The following TMEM260 variants were observed in gnomAD, a reference collection of about 807,000 sequenced individuals.
The protein encoded by TMEM260 is protein O-mannosyl-transferase TMEM260.
TMEM260 carries 82 observed loss-of-function variants against 88.9 expected under a neutral mutation model. That is an observed-to-expected ratio of 0.92 (90% CI 0.77 to 1.11). The LOEUF (loss-of-function observed/expected upper bound fraction) is 1.11. Ranked by LOEUF, TMEM260 falls within the 50% of genes least tolerant of loss-of-function variation. TMEM260 has a pLI of 0.00. For missense variants in TMEM260, 902 were observed against 853.4 expected, an observed-to-expected ratio of 1.06 and a Z score of -0.71; for synonymous variants, 314 against 309.3, an observed-to-expected ratio of 1.02 and a Z score of -0.16.
At chr14:56,596,792 A>T (rs9671489) in intron 3 of TMEM260, among the ~76,000 whole-genome samples, 13 of 125,796 alleles carry the variant, frequency 1.0e-4, no homozygotes, top group South Asian at 2.3e-4. Context: ...ATTAAAAAAA[A>T]AAATATATAT....
chr14:56,651,520 ACT>A (rs1258129323), downstream of TMEM260, among the ~76,000 whole-genome samples: 4 of 152,288 alleles, frequency 2.6e-5, no homozygotes, highest in Non-Finnish European at 4.4e-5. Flanking sequence ...GAGTTCTCTG[ACT>A]CTTTGCTGCA....
At chr14:56,631,527 G>T (rs1234986401) in intron 12 of TMEM260, among the ~76,000 whole-genome samples, 1 of 151,918 alleles carries the variant, frequency 6.6e-6, no homozygotes, top group East Asian at 1.9e-4. Context: ...GGAGGCTGAG[G>T]CAGGAGGATT....
At chr14:56,593,938 C>T (rs1341779244) in intron 3 of TMEM260, among the ~76,000 whole-genome samples, 1 of 151,748 alleles carries the variant, frequency 6.6e-6, no homozygotes, top group Non-Finnish European at 1.5e-5. Flanking sequence ...CCACCCGCCT[C>T]GGCCTCCCAA....
At chr14:56,597,511 T>TA (rs1412086034) in intron 3 of TMEM260, among the ~76,000 whole-genome samples, 8 of 152,204 alleles carry the variant, frequency 5.3e-5, no homozygotes, top group Non-Finnish European at 1.2e-4. Context: ...TTTGATGTGT[T>TA]ACGTTAAAAG....
downstream of TMEM260, among the ~76,000 whole-genome samples, chr14:56,654,574 T>C (rs1890266014): frequency 6.6e-6 from 1 of 151,992 alleles, no homozygotes; most frequent in African/African-American, 2.4e-5. Context: ...ATCCCAGCAC[T>C]TTGGTAGGCC....
intron 3 of TMEM260, among the ~76,000 whole-genome samples, chr14:56,602,746 C>G (rs1339249952): frequency 6.6e-6 from 1 of 151,882 alleles, no homozygotes; most frequent in African/African-American, 2.4e-5. Context: ...AGAAAGAAAA[C>G]AAATAAATTG....
At chr14:56,644,317 T>C (rs538282474) in intron 15 of TMEM260, among the ~76,000 whole-genome samples, 5 of 152,118 alleles carry the variant, frequency 3.3e-5, no homozygotes, top group Admixed American at 2.0e-4. Flanking sequence ...TATAGACCAA[T>C]GGAACAGAAC....
At chr14:56,602,842 A>C (rs186967752) in intron 3 of TMEM260, among the ~76,000 whole-genome samples, 2 of 152,310 alleles carry the variant, frequency 1.3e-5, no homozygotes, top group Admixed American at 6.5e-5. Context: ...CTAAAGCCAT[A>C]GAACTACCCT....
At chr14:56,606,495 A>G (rs1205019965) in intron 5 of TMEM260, among the ~76,000 whole-genome samples, 3 of 152,244 alleles carry the variant, frequency 2.0e-5, no homozygotes, top group Non-Finnish European at 4.4e-5. Context: ...GCTTTAGATA[A>G]CTATATTTAC....
rs11158124 is a variant in TMEM260, at chr14:56,643,800, A to G, written c.1870-3443A>G. Among the ~76,000 whole-genome samples, 646 of 152,350 alleles carry G rather than the reference A, an allele frequency of 4.2e-3. 8 individuals carry two copies. In the South Asian group the frequency reaches 0.048, roughly 11 times the overall value. Reference sequence around the variant, plus strand: ...CAAAATCTCCTTAAGCTGATAAGCAACTTCAGCAAAGTCTCAGGATACAAA... The same window carrying G: ...CAAAATCTCCTTAAGCTGATAAGCAGCTTCAGCAAAGTCTCAGGATACAAA... On this transcript the variant is annotated intron_variant, in intron 15 of 15. Transcript: ENST00000261556.
intron 3 of TMEM260, among the ~76,000 whole-genome samples, chr14:56,593,677 CTTTTTTTTTTTTTTTTTT>C (rs34268894): frequency 1.3e-4 from 8 of 63,506 alleles, no homozygotes. Flanking sequence ...AGGTGAGTGT[CTTTTTTTTTTTTTTTTTT>C]TTTTTTTTTT....
the TMEM260 span, among the ~76,000 whole-genome samples, chr14:56,656,007 A>G: frequency 6.6e-6 from 1 of 152,218 alleles, no homozygotes; most frequent in Non-Finnish European, 1.5e-5. Context: ...GAGCAGAAAC[A>G]GAGTTCTTTC....
Position 56,605,582 on chromosome 14 carries a change from G to A in TMEM260, c.535G>A (p.Gly179Ser). The A allele has an allele frequency of 6.6e-7, 1 of 1,511,056 alleles. No homozygotes were observed. The highest frequency in any genetic ancestry group is 8.9e-7 in the Non-Finnish European group (1 of 1,128,568). The allele number at this position is 1,511,056 out of a possible 1,614,324, so 93.6% of individuals were successfully genotyped here. A position where few individuals can be genotyped will look rare whatever the true frequency, so the allele number is the denominator to read the frequency against. The change falls in exon 5 of 16, where the codon GGT becomes AGT. Residue 179 changes from glycine to serine, a missense_variant. Gly to Ser is a moderately conservative substitution (Grantham distance 56, BLOSUM62 0). Coordinates refer to ENST00000261556, the MANE Select transcript of TMEM260 (RefSeq NM_017799.4). Reference protein sequence around the residue: ...AKERSKVAKIGAFCCGLSLCN... With the variant: ...AKERSKVAKISAFCCGLSLCN... ...AATTTATTTTCAGGTAGCTAAAATTGGTGCTTTCTGCTGTGGCCTTAGTTT... is the reference window on the plus strand; with the variant it reads ...AATTTATTTTCAGGTAGCTAAAATTAGTGCTTTCTGCTGTGGCCTTAGTTT...
At chr14:56,629,633 T>A (rs1397716946) in intron 12 of TMEM260, among the ~76,000 whole-genome samples, 1 of 152,268 alleles carries the variant, frequency 6.6e-6, no homozygotes, top group African/African-American at 2.4e-5. Context: ...TAGCCGTGAA[T>A]TCTCTTAGTT....
At chr14:56,640,740 C>T (rs914952855) in intron 15 of TMEM260, among the ~76,000 whole-genome samples, 17 of 152,062 alleles carry the variant, frequency 1.1e-4, no homozygotes, top group African/African-American at 3.9e-4. Context: ...AAGTTAAAAA[C>T]CTTGAAAAAA....
In TMEM260 at chr14:56,636,610, T is replaced by TTTTATATGTAGATATAGATATA. The variant is rs771514817; in HGVS notation, c.1869+16_1869+37dup. 11 of 1,608,550 alleles carry TTTTATATGTAGATATAGATATA rather than the reference T, an allele frequency of 6.8e-6. No homozygotes were observed. The highest frequency in any genetic ancestry group is 1.7e-5 in the Admixed American group (1 of 59,998). On this transcript the variant is annotated intron_variant, in intron 15 of 15. Transcript: ENST00000261556. The stretch of plus-strand genomic sequence containing the variant: ...CTCAAGCATATGACGTATGTTACAC[T>TTTTATATGTAGATATAGATATA]TTTATATGTAGATATAGATATATTT...
Position 56,605,670 on chromosome 14 carries a change from T to G in TMEM260, c.623T>G (p.Leu208Arg), listed in dbSNP as rs757755990. The part of the protein sequence containing the change: ...LCIIPWILFQ[L>R]LKKKELSLGS... The stretch of plus-strand genomic sequence containing the variant: ...ATAATACCTTGGATTCTCTTTCAAC[T>G]TTTAAAAAAGAAGGTACGTTTTTGA... The change falls in exon 5 of 16, where the codon CTT (leucine) becomes CGT (arginine). Residue 208 changes from leucine to arginine, a missense_variant. Physicochemically the swap from Leu to Arg is moderately radical, Grantham distance 102 (BLOSUM62 -2). Transcript: ENST00000261556. 1.3e-6 allele frequency: 2 copies of G among 1,564,404 alleles called. 1 individual carries two copies. Among genetic ancestry groups the G allele is most frequent in the East Asian group, 4.6e-5 (2 of 43,758 alleles).
intron 3 of TMEM260, among the ~76,000 whole-genome samples, chr14:56,603,078 T>G (rs531494354): frequency 2.0e-5 from 3 of 152,150 alleles, no homozygotes; most frequent in African/African-American, 4.8e-5. Context: ...TCAAAACAAA[T>G]CTCTGAACCG....
At chr14:56,603,642 C>T (rs532234026) in intron 3 of TMEM260, among the ~76,000 whole-genome samples, 173 bp from the exon 4 acceptor site, 1 of 152,170 alleles carries the variant, frequency 6.6e-6, no homozygotes, top group Non-Finnish European at 1.5e-5. Context: ...TATGAACTTC[C>T]TAATTAAAAT....
Sources: allele counts gnomAD v4.1 joint callset (sites outside exome capture counted in the v4.1 genomes callset), GRCh38; gene constraint gnomAD v4.1.1; transcripts MANE v1.5; gene names NCBI Gene and HGNC (gene_info 2026-07-23, HGNC 2026-07-21).